Variants in GRM4 observed in about 807,000 individuals in gnomAD.
GRM4 encodes glutamate metabotropic receptor 4, also known as metabotropic glutamate receptor 4.
A neutral mutation model predicts 81.7 loss-of-function variants in GRM4; 28 were observed. The ratio of observed to expected loss-of-function variants is 0.34; its 90% confidence interval spans 0.25 to 0.47. The LOEUF (loss-of-function observed/expected upper bound fraction) is 0.47. Among genes scored for constraint, GRM4 ranks in the 20% least tolerant of loss-of-function variants. GRM4 has a pLI of 1.00. For missense variants in GRM4, 948 were observed against 1,290.0 expected, an observed-to-expected ratio of 0.73 and a Z score of 4.06; for synonymous variants, 488 against 528.8, an observed-to-expected ratio of 0.92 and a Z score of 1.06.
chr6:34,089,371 G>GCTCTCT lies in GRM4; in HGVS notation c.736+2506_736+2511dup, dbSNP rs3041194. Among the ~76,000 whole-genome samples, 4 of 150,732 alleles carry GCTCTCT rather than the reference G, an allele frequency of 2.7e-5. No homozygotes were observed. Among genetic ancestry groups the GCTCTCT allele is most frequent in the Middle Eastern group, 3.4e-3 (1 of 294 alleles). ...TTTCAATTTGGCCAGCTGAAGTGCAGCTCTCTCTCTCTCTCTTCCTTTCTT... is the reference window on the plus strand; with the variant it reads ...TTTCAATTTGGCCAGCTGAAGTGCAGCTCTCTCTCTCTCTCTCTCTCTTCCTTTCTT... On this transcript the variant is annotated intron_variant, in intron 3 of 10. Transcript: ENST00000538487. This position sits in a 1 kb window ranked among gnomAD's most constrained non-coding sequence, Gnocchi z 4.3.
intron 2 of GRM4, among the ~76,000 whole-genome samples, chr6:34,116,287 A>G (rs1198247731): frequency 4.6e-5 from 7 of 152,190 alleles, no homozygotes; most frequent in Admixed American, 4.6e-4. Context: ...CCTCTCCTGT[A>G]AAATGGGGCC....
Position 34,059,136 on chromosome 6 carries a change from A to G in GRM4, c.873-8T>C. 6.2e-7 allele frequency: 1 copy of G among 1,613,226 alleles called. No homozygotes were observed. On this transcript the variant is annotated splice_polypyrimidine_tract_variant and splice_region_variant and intron_variant, in intron 4 of 10. Coordinates refer to ENST00000538487, the MANE Select transcript of GRM4 (RefSeq NM_000841.4). The surrounding 1 kb of genome is among the most constrained non-coding windows in gnomAD (Gnocchi z 5.7). ...GCTGCCTCCAGCACACGCCTGTAGG[A>G]ACATACACCAGCCCAGCCCAGCCGC...
In GRM4 at chr6:34,022,421, GA is replaced by G; in HGVS notation, c.*399del. 2 of 210,158 alleles carry G rather than the reference GA, an allele frequency of 9.5e-6. No individual in the cohort carries two copies. The highest frequency in any genetic ancestry group is 1.3e-4 in the East Asian group (1 of 7,912). 13.0% of individuals were successfully genotyped at this position (210,158 alleles called of 1,614,324 possible). ...CAAGCAGCCGGGGACGCCAGAGAGG[GA>G]AAAGGTGAAACAAAGAGATAAGAGA... On this transcript the variant is annotated 3_prime_UTR_variant, in exon 11 of 11. Transcript: ENST00000538487. The surrounding 1 kb of genome is among the most constrained non-coding windows in gnomAD (Gnocchi z 5.6).
intron 2 of GRM4, among the ~76,000 whole-genome samples, chr6:34,093,411 G>A (rs1768344224): frequency 6.6e-6 from 1 of 152,198 alleles, no homozygotes; most frequent in Non-Finnish European, 1.5e-5. Flanking sequence ...AGACTTTATT[G>A]AGCACCTATG....
rs145312927 is a variant in GRM4 at position 34,036,247 on chromosome 6, C to T, written c.1863G>A (p.Ser621=). Residue 621 remains serine, a synonymous_variant, in exon 9 of 11, where the codon TCG becomes TCA. Transcript: ENST00000538487. This position sits in a 1 kb window ranked among gnomAD's most constrained non-coding sequence, Gnocchi z 9.0. The stretch of plus-strand genomic sequence containing the variant: ...GCAGCACGTAGCTCAGTTCACGGCC[C>T]GAGGCCTTGACGATGGGCGTGTCGT... ...RYNDTPIVKA[S]GRELSYVLLA... is the part of the protein sequence containing the mutation. The T allele has an allele frequency of 1.7e-4, 280 of 1,614,136 alleles. No individual in the cohort carries two copies. In the African/African-American group the frequency reaches 3.0e-3, roughly 17 times the overall value.
At chr6:34,093,984 G>T (rs956479581) in intron 2 of GRM4, among the ~76,000 whole-genome samples, 9 of 152,224 alleles carry the variant, frequency 5.9e-5, no homozygotes, top group African/African-American at 2.2e-4. Flanking sequence ...AACAGTAAAA[G>T]TTTGGAAACG....
chr6:34,116,208 G>A (rs1030527578), intron 2 of GRM4, among the ~76,000 whole-genome samples: 2 of 152,218 alleles, frequency 1.3e-5, no homozygotes, highest in Non-Finnish European at 2.9e-5. Context: ...ACTGCAGAAT[G>A]AGCACCGGCT....
intron 6 of GRM4, chr6:34,056,271 C>T (rs1396465550): frequency 6.4e-6 from 3 of 469,356 alleles, no homozygotes; most frequent in African/African-American, 2.0e-5. Context: ...GTGCTGTGGG[C>T]TGGCCCTAGG....
In GRM4 at chr6:34,047,021, T is replaced by TG. The variant is rs371709762; in HGVS notation, c.1169-6274dup. 6.6e-6 allele frequency among the ~76,000 whole-genome samples: 1 copy of TG among 152,214 alleles called. No individual in the cohort carries two copies. Among genetic ancestry groups the TG allele is most frequent in the East Asian group, 1.9e-4 (1 of 5,162 alleles). On this transcript the variant is annotated intron_variant, in intron 6 of 10. Coordinates refer to ENST00000538487, the MANE Select transcript of GRM4 (RefSeq NM_000841.4). This position sits in a 1 kb window ranked among gnomAD's most constrained non-coding sequence, Gnocchi z 4.5. The stretch of plus-strand genomic sequence containing the variant: ...ATGGCTCTGACTCTTGGCTGGGCCA[T>TG]GGCCCAGCTATACACTCTAGGCCAA...
exon 1 of GRM4, chr6:34,155,514 C>A (rs1203057758): frequency 1.7e-6 from 1 of 583,978 alleles, no homozygotes; most frequent in Admixed American, 3.7e-5. Context: ...GCATCCCAAA[C>A]CAATTAAAAT....
rs764364750 is a variant in GRM4 at position 34,069,405 on chromosome 6, TAAG to T, written c.737-7380_737-7378del. ...GTTGTGGCCAGAGGGGGTTTCAAGG[TAAG>T]AAGGACACCAGGCCCCAGCAAAGGC... is the stretch of plus-strand genomic sequence containing the variant. On this transcript the variant is annotated intron_variant, in intron 3 of 10. Transcript: ENST00000538487. This position sits in a 1 kb window ranked among gnomAD's most constrained non-coding sequence, Gnocchi z 6.4. Among the ~76,000 whole-genome samples, 2 of 152,052 alleles carry T rather than the reference TAAG, an allele frequency of 1.3e-5. No individual in the cohort carries two copies. The highest frequency in any genetic ancestry group is 6.5e-5 in the Admixed American group (1 of 15,282).
chr6:34,024,415 C>T, intron 10 of GRM4: 1 of 277,908 alleles, frequency 3.6e-6, no homozygotes, highest in Non-Finnish European at 7.3e-6. Context: ...TCCTCACTCC[C>T]ACCCACCCAC....
chr6:34,045,457 T>C (rs1765321768), intron 6 of GRM4, among the ~76,000 whole-genome samples: 1 of 152,216 alleles, frequency 6.6e-6, no homozygotes, highest in Non-Finnish European at 1.5e-5. Flanking sequence ...TGGCACCAAG[T>C]AGGTGTTTGA....
chr6:34,114,255 G>A lies in GRM4; in HGVS notation c.519+18723C>T, dbSNP rs59922082. ...AGGTCAGCTCCATGTGGGCAAGGAC[G>A]GTATGCATTTGGCTCACTCTGCTGC... is the stretch of plus-strand genomic sequence containing the variant. On this transcript the variant is annotated intron_variant, in intron 2 of 10. Coordinates refer to ENST00000538487, the MANE Select transcript of GRM4 (RefSeq NM_000841.4). The surrounding 1 kb of genome is among the most constrained non-coding windows in gnomAD (Gnocchi z 4.3). 0.068 allele frequency among the ~76,000 whole-genome samples: 10,349 copies of A among 152,202 alleles called. 819 individuals carry two copies. The highest frequency in any genetic ancestry group is 0.2 in the African/African-American group (8,267 of 41,480).
exon 1 of GRM4, chr6:34,155,124 T>G (rs1288307656): frequency 6.5e-7 from 1 of 1,533,388 alleles, no homozygotes; most frequent in Admixed American, 2.0e-5. Flanking sequence ...GGGGGTCTAT[T>G]TCAGGGCTGC....
intron 6 of GRM4, among the ~76,000 whole-genome samples, chr6:34,045,539 C>T (rs961163300): frequency 3.9e-5 from 6 of 152,128 alleles, no homozygotes; most frequent in African/African-American, 1.4e-4. Flanking sequence ...TTTGGTTGTC[C>T]AAAAAAGTCT....
rs992455057 is a variant in GRM4, at chr6:34,022,763, C to T, written c.*58G>A. 6.9e-5 allele frequency: 102 copies of T among 1,486,436 alleles called. No homozygotes were observed. The highest frequency in any genetic ancestry group is 3.5e-4 in the Middle Eastern group (2 of 5,686). The allele number at this position is 1,486,436 out of a possible 1,614,324, so 92.1% of individuals were successfully genotyped here. ...TGGGCCCTTGGGTGTGGCCCTGGCC[C>T]GACGCACCTTCCACAGGGTCACGGC... On this transcript the variant is annotated 3_prime_UTR_variant, in exon 11 of 11. Coordinates refer to ENST00000538487, the MANE Select transcript of GRM4 (RefSeq NM_000841.4). The surrounding 1 kb of genome is among the most constrained non-coding windows in gnomAD (Gnocchi z 5.6).
intron 6 of GRM4, among the ~76,000 whole-genome samples, chr6:34,044,133 CAT>C (rs1227844734): frequency 6.5e-5 from 9 of 138,826 alleles, no homozygotes; most frequent in South Asian, 4.6e-4. Context: ...CACACACACA[CAT>C]ATACATACAT....
rs550573869 is a variant in GRM4, at chr6:34,034,268, T to C, written c.2442+1400A>G. Among the ~76,000 whole-genome samples the C allele has an allele frequency of 4.6e-5, 7 of 152,348 alleles. No individual in the cohort carries two copies. The highest frequency in any genetic ancestry group is 1.4e-4 in the African/African-American group (6 of 41,580). On this transcript the variant is annotated intron_variant, in intron 9 of 10. Coordinates refer to ENST00000538487, the MANE Select transcript of GRM4 (RefSeq NM_000841.4). This position sits in a 1 kb window ranked among gnomAD's most constrained non-coding sequence, Gnocchi z 4.0. ...TTCCTTAGCATGGGAAACTCCTTCC[T>C]TCCTGATTGCTCAGGCCTCAAAGCA...
Sources: allele counts gnomAD v4.1 joint callset (sites outside exome capture counted in the v4.1 genomes callset), GRCh38; gene constraint gnomAD v4.1.1; non-coding constraint Gnocchi (gnomAD v3.1); transcripts MANE v1.5; gene names NCBI Gene and HGNC (gene_info 2026-07-23, HGNC 2026-07-21).